The following MUCL1 variants were observed in gnomAD, a reference collection of about 807,000 sequenced individuals.
MUCL1 encodes mucin-like protein 1.
A neutral mutation model predicts 9.2 loss-of-function variants in MUCL1; 11 were observed. That is an observed-to-expected ratio of 1.19 (90% CI 0.75 to 1.97). MUCL1 has a LOEUF of 1.97. MUCL1 is among the 30% of genes most tolerant of loss of function. The pLI is 0.00. For synonymous variants in MUCL1, 48 were observed against 40.5 expected, an observed-to-expected ratio of 1.19 and a Z score of -0.71; for missense variants, 144 against 110.9, an observed-to-expected ratio of 1.30 and a Z score of -1.34.
In MUCL1 at chr12:54,858,202, A is replaced by C; in HGVS notation, c.233A>C (p.Lys78Thr). 1 of 1,613,320 alleles carries C rather than the reference A, an allele frequency of 6.2e-7. No homozygotes were observed. The highest frequency in any genetic ancestry group is 8.5e-7 in the Non-Finnish European group (1 of 1,179,530). ...TTTTTTTCTCTTGCAGTTTTACCCAAATGGGTTGGGGATCTCCCGAATGGT... is the reference window on the plus strand; with the variant it reads ...TTTTTTTCTCTTGCAGTTTTACCCACATGGGTTGGGGATCTCCCGAATGGT... ...TARKDIPVLPKWVGDLPNGRV... is the reference protein window; with the variant it reads ...TARKDIPVLPTWVGDLPNGRV... Residue 78 changes from lysine (K) to threonine (T), a missense_variant, in exon 4 of 4, where the codon AAA becomes ACA. Coordinates refer to ENST00000308796, the MANE Select transcript of MUCL1 (RefSeq NM_058173.3).
intron 1 of MUCL1, among the ~76,000 whole-genome samples, chr12:54,840,237 G>A (rs1158220183): frequency 6.6e-6 from 1 of 152,196 alleles, no homozygotes; most frequent in African/African-American, 2.4e-5. Context: ...GTGATGTAGA[G>A]TCTGTGAAAT....
chr12:54,840,347 C>T (rs1057063391), intron 1 of MUCL1, among the ~76,000 whole-genome samples: 1 of 152,170 alleles, frequency 6.6e-6, no homozygotes, highest in Non-Finnish European at 1.5e-5. Context: ...TCCTGCTCAG[C>T]CAGAGTGATG....
At position 54,856,767 on chromosome 12, in the gene MUCL1, C is replaced by T. The variant is rs867119928; in HGVS notation, c.101-3C>T. 2 of 1,608,884 alleles carry T rather than the reference C, an allele frequency of 1.2e-6. No individual in the cohort carries two copies. The highest frequency in any genetic ancestry group is 1.7e-5 in the Admixed American group (1 of 58,792). On this transcript the variant is annotated splice_polypyrimidine_tract_variant and splice_region_variant and intron_variant, in intron 2 of 3. Coordinates refer to ENST00000308796, the MANE Select transcript of MUCL1 (RefSeq NM_058173.3). Reference sequence around the variant, plus strand: ...CACCTAGAGCTTTTCCTTCTAATTTCAGCTGGTCCTGCTGATGATGAAGCC... The same window carrying T: ...CACCTAGAGCTTTTCCTTCTAATTTTAGCTGGTCCTGCTGATGATGAAGCC...
At chr12:54,835,163 G>A (rs1959190938), upstream of MUCL1, among the ~76,000 whole-genome samples, 1 of 152,060 alleles carries the variant, frequency 6.6e-6, no homozygotes, top group South Asian at 2.1e-4. Flanking sequence ...TCGTTGATGG[G>A]CACTTATATT....
chr12:54,847,896 A>G (rs1959279659), intron 1 of MUCL1, among the ~76,000 whole-genome samples: 1 of 152,154 alleles, frequency 6.6e-6, no homozygotes, highest in African/African-American at 2.4e-5. Flanking sequence ...CTAATGCTAG[A>G]CAGTCACTGC....
At chr12:54,853,484 C>T (rs549258470), upstream of MUCL1, among the ~76,000 whole-genome samples, 7 of 152,310 alleles carry the variant, frequency 4.6e-5, no homozygotes, top group Admixed American at 2.6e-4. Context: ...CTCACCATTG[C>T]TTTCCTTCAG....
intron 1 of MUCL1, among the ~76,000 whole-genome samples, chr12:54,832,864 A>C (rs973553134): frequency 4.6e-5 from 7 of 152,236 alleles, no homozygotes; most frequent in South Asian, 4.1e-4. Context: ...AAGAAATCAT[A>C]TAAAATTTCT....
intron 2 of MUCL1, among the ~76,000 whole-genome samples, chr12:54,855,979 G>A (rs1007725230): frequency 1.3e-5 from 2 of 152,164 alleles, no homozygotes; most frequent in Non-Finnish European, 2.9e-5. Context: ...CTTATTTGCT[G>A]AGGTGAGTCT....
upstream of MUCL1, among the ~76,000 whole-genome samples, chr12:54,850,251 C>T (rs574726804): frequency 4.6e-5 from 7 of 152,082 alleles, no homozygotes; most frequent in South Asian, 1.0e-3. Flanking sequence ...TGTTGGGGTG[C>T]TGCACCCATT....
chr12:54,852,784 G>A (rs1868265004), upstream of MUCL1, among the ~76,000 whole-genome samples: 1 of 152,104 alleles, frequency 6.6e-6, no homozygotes, highest in Non-Finnish European at 1.5e-5. Context: ...TGACTGTAGG[G>A]CTTATTCCCT....
At chr12:54,832,600 A>T (rs1189185798) in intron 1 of MUCL1, among the ~76,000 whole-genome samples, 1 of 152,054 alleles carries the variant, frequency 6.6e-6, no homozygotes, top group African/African-American at 2.4e-5. Context: ...TTACTCGTCT[A>T]TTTAAACCTT....
intron 2 of MUCL1, 79 bp from the exon 3 acceptor site, chr12:54,856,691 T>C (rs1324328685): frequency 6.5e-7 from 1 of 1,529,194 alleles, no homozygotes; most frequent in African/African-American, 1.4e-5. Context: ...GGATGAGGAA[T>C]GTATGTCTAC....
upstream of MUCL1, among the ~76,000 whole-genome samples, chr12:54,851,871 C>T (rs10747721): frequency 0.45 from 68,228 of 151,382 alleles, 16,259 homozygotes; most frequent in East Asian, 0.84. Flanking sequence ...CAATAACAGA[C>T]AGAGAGCCAA....
chr12:54,853,776 G>C (rs1374602974), upstream of MUCL1, among the ~76,000 whole-genome samples: 1 of 151,882 alleles, frequency 6.6e-6, no homozygotes, highest in East Asian at 1.9e-4. Context: ...AAATTTTTGT[G>C]TGCTTTGTTC....
At chr12:54,833,508 G>A (rs1055287400) in intron 1 of MUCL1, among the ~76,000 whole-genome samples, 1 of 151,848 alleles carries the variant, frequency 6.6e-6, no homozygotes, top group Admixed American at 6.6e-5. Context: ...AAACAAATTA[G>A]AGCACATTTT....
intron 2 of MUCL1, among the ~76,000 whole-genome samples, chr12:54,855,891 C>T (rs948569879): frequency 6.6e-6 from 1 of 152,158 alleles, no homozygotes; most frequent in South Asian, 2.1e-4. Context: ...CCATGTGAGG[C>T]CCCATTTAAA....
chr12:54,854,541 G>C lies in MUCL1; in HGVS notation c.-42G>C. On this transcript the variant is annotated 5_prime_UTR_variant, in exon 1 of 4. Coordinates refer to ENST00000308796, the MANE Select transcript of MUCL1 (RefSeq NM_058173.3). ...AGCGCCTTGCCTTCTCTTAGGCTTT[G>C]AAGCATTTTTGTCTGTGCTCCCTGA... The C allele has an allele frequency of 6.4e-7, 1 of 1,568,430 alleles. No individual in the cohort carries two copies. The highest frequency in any genetic ancestry group is 1.1e-5 in the South Asian group (1 of 89,062).
At chr12:54,831,924 G>A (rs1959185994) in intron 1 of MUCL1, among the ~76,000 whole-genome samples, 1 of 151,870 alleles carries the variant, frequency 6.6e-6, no homozygotes, top group African/African-American at 2.4e-5. Flanking sequence ...CCTTACTAAT[G>A]GTTAAACATT....
chr12:54,836,564 T>C (rs1959193316), upstream of MUCL1, among the ~76,000 whole-genome samples: 1 of 152,182 alleles, frequency 6.6e-6, no homozygotes, highest in South Asian at 2.1e-4. Context: ...CTTTTTTGTA[T>C]TTGTTTCAAT....
Sources: allele counts gnomAD v4.1 joint callset (sites outside exome capture counted in the v4.1 genomes callset), GRCh38; gene constraint gnomAD v4.1.1; transcripts MANE v1.5; gene names NCBI Gene and HGNC (gene_info 2026-07-23, HGNC 2026-07-21).